PLB1: variants seen among roughly 807,000 people sequenced by gnomAD.
PLB1 encodes the protein phospholipase B1, also known as phospholipase B1, membrane-associated.
In PLB1, 242 loss-of-function variants were observed where a neutral mutation model predicts 227.4. The observed-to-expected ratio is 1.06, with a 90% CI of 0.96 to 1.18. PLB1 has a LOEUF of 1.18. PLB1 is among the 50% of genes most tolerant of loss of function. The pLI is 0.00. For synonymous variants in PLB1, 757 were observed against 682.2 expected, an observed-to-expected ratio of 1.11 and a Z score of -1.71; for missense variants, 1,858 against 1,816.3, an observed-to-expected ratio of 1.02 and a Z score of -0.42.
At chr2:28,504,047 G>A (rs573261410) in intron 1 of PLB1, among the ~76,000 whole-genome samples, 2 of 152,262 alleles carry the variant, frequency 1.3e-5, no homozygotes, top group Admixed American at 1.3e-4. Context: ...AGCACATCCT[G>A]AATCTGTGGC....
chr2:28,570,408 A>G (rs1677808522), intron 20 of PLB1, among the ~76,000 whole-genome samples: 1 of 152,254 alleles, frequency 6.6e-6, no homozygotes, highest in Non-Finnish European at 1.5e-5. Flanking sequence ...TCAATAGGAT[A>G]AAAGACCAAA....
intron 1 of PLB1, among the ~76,000 whole-genome samples, chr2:28,504,733 C>T (rs1347091062): frequency 6.6e-6 from 1 of 152,082 alleles, no homozygotes; most frequent in Non-Finnish European, 1.5e-5. Flanking sequence ...CAGAGCGAGA[C>T]TCAGTCTCAA....
rs935296739 is a variant in PLB1, at chr2:28,515,692, G to A, written c.56-1116G>A. Among the ~76,000 whole-genome samples the A allele has an allele frequency of 2.6e-5, 4 of 152,304 alleles. No homozygotes were observed. The South Asian group carries it at 8.3e-4, about 32-fold the overall frequency. ...GGTGGAAAAGAAATCAATCCCTGTTGCCCAAGTCAGGCTTCCTTTTGGCAT... is the reference window on the plus strand; with the variant it reads ...GGTGGAAAAGAAATCAATCCCTGTTACCCAAGTCAGGCTTCCTTTTGGCAT... On this transcript the variant is annotated intron_variant, in intron 1 of 57. Coordinates refer to ENST00000327757, the MANE Select transcript of PLB1 (RefSeq NM_153021.5).
At chr2:28,620,520 C>A (rs1686886418) in intron 47 of PLB1, 80 bp from the exon 48 acceptor site, 4 of 1,522,162 alleles carry the variant, frequency 2.6e-6, no homozygotes, top group South Asian at 2.4e-5. Flanking sequence ...GAACCCGGTT[C>A]CGGTTCTGGC....
intron 16 of PLB1, among the ~76,000 whole-genome samples, chr2:28,550,464 C>T (rs755847987): frequency 9.9e-5 from 15 of 151,638 alleles, no homozygotes; most frequent in South Asian, 6.3e-4. Context: ...ATGTGAGCCA[C>T]GGCGCCCAGC....
intron 43 of PLB1, among the ~76,000 whole-genome samples, chr2:28,611,113 G>C (rs145641536): frequency 3.9e-5 from 6 of 152,218 alleles, no homozygotes; most frequent in Non-Finnish European, 7.4e-5. Context: ...AAGAAAAGAA[G>C]GGGAGGGGGA....
At chr2:28,540,545 G>T in intron 12 of PLB1, 104 bp downstream of exon 12, 1 of 895,726 alleles carries the variant, frequency 1.1e-6, no homozygotes, top group South Asian at 1.4e-5. Context: ...CTAATGTTAG[G>T]ACTTCTCCAG....
chr2:28,620,472 A>G, intron 47 of PLB1, 128 bp from the exon 48 acceptor site: 7 of 1,359,178 alleles, frequency 5.2e-6, no homozygotes, highest in Non-Finnish European at 7.0e-6. Flanking sequence ...TGCTTGCATT[A>G]CCCCTGAGGG....
intron 4 of PLB1, among the ~76,000 whole-genome samples, chr2:28,523,344 T>G (rs1669789744): frequency 6.6e-6 from 1 of 151,190 alleles, no homozygotes; most frequent in Non-Finnish European, 1.5e-5. Context: ...GGTTTTTTTT[T>G]TTTTTTTTTT....
At chr2:28,511,937 A>G (rs978990048) in intron 1 of PLB1, among the ~76,000 whole-genome samples, 2 of 145,332 alleles carry the variant, frequency 1.4e-5, no homozygotes, top group African/African-American at 5.1e-5. Flanking sequence ...GGCACCTACC[A>G]CCGTGCCTGG....
chr2:28,524,888 C>G (rs1330502009), intron 4 of PLB1, among the ~76,000 whole-genome samples: 2 of 137,316 alleles, frequency 1.5e-5, no homozygotes, highest in Non-Finnish European at 3.0e-5. Context: ...CATTCTATGG[C>G]CCAGGCTGGA....
chr2:28,518,837 C>T (rs1572706224), intron 3 of PLB1, among the ~76,000 whole-genome samples: 1 of 152,164 alleles, frequency 6.6e-6, no homozygotes, highest in South Asian at 2.1e-4. Context: ...ACAATGGCAG[C>T]TCTGGACCTT....
chr2:28,517,870 CTTTT>C (rs751699033), intron 2 of PLB1, among the ~76,000 whole-genome samples: 3 of 133,836 alleles, frequency 2.2e-5, no homozygotes, highest in Admixed American at 7.6e-5. Flanking sequence ...AGAACTTTCT[CTTTT>C]TTTTTTTTTT....
chr2:28,499,109 ATGT>A (rs1292406308), intron 1 of PLB1, among the ~76,000 whole-genome samples: 1 of 150,190 alleles, frequency 6.7e-6, no homozygotes, highest in African/African-American at 2.4e-5. Flanking sequence ...TTATTTTGAA[ATGT>A]TTGTTATTGA....
chr2:28,643,579 A>T lies in PLB1; in HGVS notation c.*518A>T, dbSNP rs1690192866. 1 of 152,546 alleles carries T rather than the reference A, an allele frequency of 6.6e-6. No individual in the cohort carries two copies. The highest frequency in any genetic ancestry group is 2.1e-4 in the South Asian group (1 of 4,850). 9.4% of individuals were successfully genotyped at this position (152,546 alleles called of 1,614,324 possible). On this transcript the variant is annotated 3_prime_UTR_variant, in exon 58 of 58. Coordinates refer to ENST00000327757, the MANE Select transcript of PLB1 (RefSeq NM_153021.5). The stretch of plus-strand genomic sequence containing the variant: ...AATGCGAAGCACTGAGGTGCCTCCT[A>T]GGCTGTGCATGTCGCAGCCTGGCAG...
At chr2:28,536,964 G>T (rs72860601) in intron 9 of PLB1, among the ~76,000 whole-genome samples, 1 of 152,176 alleles carries the variant, frequency 6.6e-6, no homozygotes, top group Non-Finnish European at 1.5e-5. Flanking sequence ...CTCCAGGGAC[G>T]GTGGGTATGG....
In PLB1 at chr2:28,632,948, G is replaced by C; in HGVS notation, c.4007G>C (p.Gly1336Ala). Reference sequence around the variant, plus strand: ...CCTCCTTGCCGTTGGTTGCAGAGAGGGGACACTGACCTCACCTTCTTCTCC... The same window carrying C: ...CCTCCTTGCCGTTGGTTGCAGAGAGCGGACACTGACCTCACCTTCTTCTCC... ...QNTLTPLNERGDTDLTFFSED... is the reference protein window; with the variant it reads ...QNTLTPLNERADTDLTFFSED... The change falls in exon 56 of 58, where the codon GGG (glycine) becomes GCG (alanine). Residue 1336 changes from glycine to alanine, a missense_variant. Physicochemically the swap from Gly to Ala is moderately conservative, Grantham distance 60 (BLOSUM62 0). Transcript: ENST00000327757. 1.2e-6 allele frequency: 2 copies of C among 1,605,408 alleles called. No individual in the cohort carries two copies. The highest frequency in any genetic ancestry group is 1.7e-6 in the Non-Finnish European group (2 of 1,179,696).
chr2:28,617,708 T>C lies in PLB1; in HGVS notation c.3196-19T>C, dbSNP rs184136023. The C allele has an allele frequency of 1.9e-6, 3 of 1,613,386 alleles. No individual in the cohort carries two copies. In the Admixed American group the frequency reaches 5.0e-5, roughly 27 times the overall value. On this transcript the variant is annotated intron_variant, in intron 44 of 57. Transcript: ENST00000327757. ...CACAATGAGTGTTGGGCACTGAATCTTTTCTCCTGTTGATTTAGAACTGGG... is the reference window on the plus strand; with the variant it reads ...CACAATGAGTGTTGGGCACTGAATCCTTTCTCCTGTTGATTTAGAACTGGG...
intron 16 of PLB1, among the ~76,000 whole-genome samples, chr2:28,552,459 C>T (rs1674404390): frequency 6.6e-6 from 1 of 152,170 alleles, no homozygotes. Flanking sequence ...GTTCAACTAA[C>T]AAATACTTGT....
Sources: allele counts gnomAD v4.1 joint callset (sites outside exome capture counted in the v4.1 genomes callset), GRCh38; gene constraint gnomAD v4.1.1; transcripts MANE v1.5; gene names NCBI Gene and HGNC (gene_info 2026-07-23, HGNC 2026-07-21).